The following C4orf54 variants were observed in gnomAD, a reference collection of about 807,000 sequenced individuals.
The protein encoded by C4orf54 is uncharacterized protein C4orf54.
Under a neutral mutation model 80.1 loss-of-function variants are expected in C4orf54, and 67 were observed. That is an observed-to-expected ratio of 0.84 (90% CI 0.69 to 1.03). The LOEUF (loss-of-function observed/expected upper bound fraction) is 1.03. Ranked by LOEUF, C4orf54 falls within the 50% of genes least tolerant of loss-of-function variation. The pLI is 0.00. For synonymous variants in C4orf54, 1,000 were observed against 917.0 expected, an observed-to-expected ratio of 1.09 and a Z score of -1.64; for missense variants, 2,434 against 2,253.5, an observed-to-expected ratio of 1.08 and a Z score of -1.62.
Position 99,651,195 on chromosome 4 carries a change from C to T in C4orf54, c.3454G>A (p.Val1152Met). 6.5e-7 allele frequency: 1 copy of T among 1,536,170 alleles called. No homozygotes were observed. The highest frequency in any genetic ancestry group is 8.7e-7 in the Non-Finnish European group (1 of 1,146,922). ...TTCACTACAGCCTGGCATGTAATCA[C>T]CATGGGGGACAGGGATCCAGATCCG... ...AGGSGSLSPM[V>M]ITCQAVVNQR... The change falls in exon 2 of 3, where the codon GTG (valine) becomes ATG (methionine). Residue 1152 changes from valine to methionine, a missense_variant. Coordinates refer to ENST00000511828, the MANE Select transcript of C4orf54 (RefSeq NM_001354435.2).
chr4:99,652,051 G>A lies in C4orf54; in HGVS notation c.2598C>T (p.Ser866=). The change falls in exon 2 of 3, where the codon AGC becomes AGT. Residue 866 remains serine, a synonymous_variant. Coordinates refer to ENST00000511828, the MANE Select transcript of C4orf54 (RefSeq NM_001354435.2). ...CGGAGCCGGCCTCGGAGTGACGAGAGCTCTGCCTCTGCAGGCCCCTCTCTC... is the reference window on the plus strand; with the variant it reads ...CGGAGCCGGCCTCGGAGTGACGAGAACTCTGCCTCTGCAGGCCCCTCTCTC... ...RQRERGLQRQ[S]SRHSEAGSEY... 6.5e-7 allele frequency: 1 copy of A among 1,536,136 alleles called. No homozygotes were observed. The highest frequency in any genetic ancestry group is 8.7e-7 in the Non-Finnish European group (1 of 1,146,894).
Position 99,639,132 on chromosome 4 carries a change from G to A in C4orf54, c.*2101C>T, listed in dbSNP as rs1726561474. The A allele has an allele frequency of 6.6e-6, 1 of 152,142 alleles. No individual in the cohort carries two copies. 9.4% of individuals were successfully genotyped at this position (152,142 alleles called of 1,614,324 possible). On this transcript the variant is annotated 3_prime_UTR_variant, in exon 3 of 3. Coordinates refer to ENST00000511828, the MANE Select transcript of C4orf54 (RefSeq NM_001354435.2). The stretch of plus-strand genomic sequence containing the variant: ...TCTCTTTTGGAAGAGTTGGTGAGCA[G>A]TCACTACTCAACATGGCCACTGGTT...
chr4:99,640,927 A>C lies in C4orf54; in HGVS notation c.*306T>G, dbSNP rs1491240. On this transcript the variant is annotated 3_prime_UTR_variant, in exon 3 of 3. Transcript: ENST00000511828. ...CACAAGTACAGGGGGGAAGGAGGTG[A>C]ATAGAAAGCTTATATCCTGTGTTGA... is the stretch of plus-strand genomic sequence containing the variant. 14,472 of 152,198 alleles carry C rather than the reference A, an allele frequency of 0.095. 1,269 individuals carry two copies. The highest frequency in any genetic ancestry group is 0.23 in the African/African-American group (9,350 of 41,480). 9.4% of individuals were successfully genotyped at this position (152,198 alleles called of 1,614,324 possible).
Position 99,650,298 on chromosome 4 carries a change from C to T in C4orf54, c.4351G>A (p.Val1451Met), listed in dbSNP as rs1022242512. The part of the protein sequence containing the change: ...SPATRAPPDE[V>M]TNRKSGSNLE... ...TTGCTGCCACTTTTCCTGTTGGTCACCTCATCAGGAGGTGCCCGGGTGGCT... is the reference window on the plus strand; with the variant it reads ...TTGCTGCCACTTTTCCTGTTGGTCATCTCATCAGGAGGTGCCCGGGTGGCT... Residue 1451 changes from valine (V) to methionine (M), a missense_variant, in exon 2 of 3, where the codon GTG (valine) becomes ATG (methionine). Val to Met is a conservative substitution (Grantham distance 21). Coordinates refer to ENST00000511828, the MANE Select transcript of C4orf54 (RefSeq NM_001354435.2). 2.6e-6 allele frequency: 4 copies of T among 1,536,106 alleles called. No individual in the cohort carries two copies. The highest frequency in any genetic ancestry group is 2.4e-5 in the South Asian group (2 of 84,060).
At chr4:99,648,113 T>C (rs376038904) in intron 2 of C4orf54, among the ~76,000 whole-genome samples, 9 of 151,878 alleles carry the variant, frequency 5.9e-5, no homozygotes, top group African/African-American at 2.2e-4. Context: ...GAAGCTTTTA[T>C]AATATCACCT....
chr4:99,650,189 C>G lies in C4orf54; in HGVS notation c.4460G>C (p.Arg1487Thr), dbSNP rs867775169. The change falls in exon 2 of 3, where the codon AGG (arginine) becomes ACG (threonine). Residue 1487 changes from arginine to threonine, a missense_variant. Coordinates refer to ENST00000511828, the MANE Select transcript of C4orf54 (RefSeq NM_001354435.2). ...GSSAAGELLS[R>T]PGASREGPPN... ...GGGCCCCTCCCTGGAAGCCCCAGGC[C>G]TGCTAAGAAGCTCCCCTGCAGCAGA... 1 of 1,535,948 alleles carries G rather than the reference C, an allele frequency of 6.5e-7. No homozygotes were observed. Among genetic ancestry groups the G allele is most frequent in the African/African-American group, 1.4e-5 (1 of 73,106 alleles).
At position 99,651,485 on chromosome 4, in the gene C4orf54, C is replaced by T; in HGVS notation, c.3164G>A (p.Gly1055Asp). The T allele has an allele frequency of 6.5e-7, 1 of 1,536,276 alleles. No individual in the cohort carries two copies. Among genetic ancestry groups the T allele is most frequent in the South Asian group, 1.2e-5 (1 of 84,054 alleles). ...IAKLLTPKLAGGSASNLFKTI... is the reference protein window; with the variant it reads ...IAKLLTPKLADGSASNLFKTI... Reference sequence around the variant, plus strand: ...CTTGAACAGGTTAGAGGCGCTGCCACCGGCCAGCTTGGGCGTGAGCAACTT... The same window carrying T: ...CTTGAACAGGTTAGAGGCGCTGCCATCGGCCAGCTTGGGCGTGAGCAACTT... The change falls in exon 2 of 3, where the codon GGT becomes GAT. Residue 1055 changes from glycine to aspartate, a missense_variant. Transcript: ENST00000511828.
At position 99,649,368 on chromosome 4, in the gene C4orf54, T is replaced by A; in HGVS notation, c.5281A>T (p.Lys1761Ter). Residue 1761 changes from lysine (K) to a stop codon, truncating the protein, a stop_gained, in exon 2 of 3, where the codon AAG becomes TAG. Transcript: ENST00000511828. LOFTEE classifies it low-confidence loss of function (END_TRUNC). ...GAKAFAQLHG[K>*]PVISITSQPL... ...TGCGAAGTAATGCTGATGACAGGCT[T>A]GCCATGCAGCTGGGCAAAGGCCTTG... The A allele has an allele frequency of 6.5e-7, 1 of 1,536,100 alleles. No homozygotes were observed. Among genetic ancestry groups the A allele is most frequent in the Non-Finnish European group, 8.7e-7 (1 of 1,146,902 alleles).
At position 99,652,782 on chromosome 4, in the gene C4orf54, CCT is replaced by C; in HGVS notation, c.1865_1866del (p.Glu622GlyfsTer3). 1 of 1,536,118 alleles carries C rather than the reference CCT, an allele frequency of 6.5e-7. No homozygotes were observed. On this transcript the variant is annotated frameshift_variant, in exon 2 of 3. Coordinates refer to ENST00000511828, the MANE Select transcript of C4orf54 (RefSeq NM_001354435.2). LOFTEE classifies it high-confidence loss of function. Reference protein sequence around the residue: ...AVSELDDADKEVRNLTSRAFR... With the variant: ...AVSELDDADKXVRNLTSRAFR... ...AAGGCCCGGGAGGTCAGGTTACGCA[CCT>C]CTTTGTCCGCATCGTCCAGTTCGCT...
In C4orf54 at chr4:99,639,050, A is replaced by G. The variant is rs1726559564; in HGVS notation, c.*2183T>C. The G allele has an allele frequency of 6.6e-6, 1 of 152,160 alleles. No individual in the cohort carries two copies. Among genetic ancestry groups the G allele is most frequent in the South Asian group, 2.1e-4 (1 of 4,828 alleles). The allele number at this position is 152,160 out of a possible 1,614,324, so 9.4% of individuals were successfully genotyped here. A position where few individuals can be genotyped will look rare whatever the true frequency, so the allele number is the denominator to read the frequency against. ...ATCTGCTGGTGAGAAACACTGATAC[A>G]TAGATTAGGGGTCCCAAGCCCTCAA... On this transcript the variant is annotated 3_prime_UTR_variant, in exon 3 of 3. Coordinates refer to ENST00000511828, the MANE Select transcript of C4orf54 (RefSeq NM_001354435.2).
intron 2 of C4orf54, among the ~76,000 whole-genome samples, chr4:99,641,533 A>G (rs988223279): frequency 6.6e-6 from 1 of 152,192 alleles, no homozygotes; most frequent in Non-Finnish European, 1.5e-5. Flanking sequence ...TGTTTCTAAT[A>G]TTAGCATGCA....
At position 99,653,104 on chromosome 4, in the gene C4orf54, T is replaced by C; in HGVS notation, c.1545A>G (p.Ala515=). The C allele has an allele frequency of 6.5e-7, 1 of 1,536,274 alleles. No individual in the cohort carries two copies. The part of the protein sequence containing the change: ...AAAAASSCGS[A]ASQILLSIKP... ...TGATTGATAGGAGGATCTGGCTTGCTGCACTCCCACAGCTGCTTGCGGCGG... is the reference window on the plus strand; with the variant it reads ...TGATTGATAGGAGGATCTGGCTTGCCGCACTCCCACAGCTGCTTGCGGCGG... The change falls in exon 2 of 3, where the codon GCA becomes GCG. Residue 515 remains alanine, a synonymous_variant. Coordinates refer to ENST00000511828, the MANE Select transcript of C4orf54 (RefSeq NM_001354435.2).
Position 99,637,820 on chromosome 4 carries a change from CA to C in C4orf54, c.*3412del, listed in dbSNP as rs917056434. ...GTAGAATGAAACTCCTCAAGCACCACATAAGAAAATGTATACCATGATAGTT... is the reference window on the plus strand; with the variant it reads ...GTAGAATGAAACTCCTCAAGCACCACTAAGAAAATGTATACCATGATAGTT... On this transcript the variant is annotated 3_prime_UTR_variant, in exon 3 of 3. Transcript: ENST00000511828. 20 of 152,120 alleles carry C rather than the reference CA, an allele frequency of 1.3e-4. No homozygotes were observed. Among genetic ancestry groups the C allele is most frequent in the African/African-American group, 4.8e-4 (20 of 41,438 alleles). 9.4% of individuals were successfully genotyped at this position (152,120 alleles called of 1,614,324 possible). A position where few individuals can be genotyped will look rare whatever the true frequency, so the allele number is the denominator to read the frequency against.
intron 2 of C4orf54, among the ~76,000 whole-genome samples, chr4:99,647,978 A>G (rs1238782803): frequency 6.6e-6 from 1 of 152,154 alleles, no homozygotes; most frequent in East Asian, 1.9e-4. Context: ...GTTATAACAG[A>G]GAAGAGAGAA....
intron 2 of C4orf54, among the ~76,000 whole-genome samples, chr4:99,646,076 T>C (rs2110249889): frequency 6.6e-6 from 1 of 152,192 alleles, no homozygotes; most frequent in African/African-American, 2.4e-5. Flanking sequence ...CAGAAAAAGA[T>C]AACAGCAGCT....
chr4:99,646,215 A>T (rs1225235654), intron 2 of C4orf54, among the ~76,000 whole-genome samples: 1 of 152,182 alleles, frequency 6.6e-6, no homozygotes, highest in African/African-American at 2.4e-5. Context: ...ACAGTTCTTG[A>T]ACACTTGTTT....
In C4orf54 at chr4:99,649,652, G is replaced by A. The variant is rs1179182255; in HGVS notation, c.4997C>T (p.Ala1666Val). 2 of 1,536,134 alleles carry A rather than the reference G, an allele frequency of 1.3e-6. No homozygotes were observed. Among genetic ancestry groups the A allele is most frequent in the South Asian group, 2.4e-5 (2 of 84,062 alleles). Residue 1666 changes from alanine to valine, a missense_variant, in exon 2 of 3, where the codon GCC (alanine) becomes GTC (valine). By Grantham distance (64) the Ala-to-Val change is moderately conservative (BLOSUM62 0). Transcript: ENST00000511828. ...GGGTCCATAAGCCCCAGGACTCAGG[G>A]CCAAGGGAGGCACAGAGATGGACAT... ...APMSISVPPL[A>V]LSPGAYGPTY...
chr4:99,650,244 T>C lies in C4orf54; in HGVS notation c.4405A>G (p.Asn1469Asp). The change falls in exon 2 of 3, where the codon AAT (asparagine) becomes GAT (aspartate). Residue 1469 changes from asparagine (N) to aspartate (D), a missense_variant. Transcript: ENST00000511828. ...CCTTTAAGAGGGATGGTCAGGTAAT[T>C]CTCACAGTCACTGTTGCTCTTCTCC... ...NLEKSNSDCE[N>D]YLTIPLKGSS... The C allele has an allele frequency of 2.0e-6, 3 of 1,536,070 alleles. No homozygotes were observed. Among genetic ancestry groups the C allele is most frequent in the Non-Finnish European group, 2.6e-6 (3 of 1,146,896 alleles).
chr4:99,651,114 C>G lies in C4orf54; in HGVS notation c.3535G>C (p.Gly1179Arg). 2.0e-6 allele frequency: 3 copies of G among 1,536,136 alleles called. No homozygotes were observed. In the South Asian group the frequency reaches 3.6e-5, roughly 18 times the overall value. ...EPRESMGKGG[G>R]SRVLNSSSPE... ...GAGGAAGAATTCAAGACTCTGCTGC[C>G]GCCCCCTTTGCCCATGCTTTCCCTG... Residue 1179 changes from glycine to arginine, a missense_variant, in exon 2 of 3, where the codon GGC becomes CGC. Gly to Arg is a moderately radical substitution (Grantham distance 125). Transcript: ENST00000511828.
Sources: gnomAD v4.1 joint callset for allele counts (sites outside exome capture counted in the v4.1 genomes callset) on GRCh38, gnomAD v4.1.1 for gene constraint, MANE v1.5 for transcripts, NCBI Gene and HGNC (gene_info 2026-07-23, HGNC 2026-07-21) for gene names.